Variants in RHEX observed in about 807,000 individuals in gnomAD.
RHEX encodes the protein regulator of hemoglobinization and erythroid cell expansion protein.
Under a neutral mutation model 20.1 loss-of-function variants are expected in RHEX, and 18 were observed. The observed-to-expected ratio is 0.90, with a 90% CI of 0.62 to 1.33. The LOEUF is 1.33. Ranked by LOEUF, RHEX falls within the 40% of genes most tolerant of loss-of-function variation. The pLI is 0.00. For synonymous variants in RHEX, 87 were observed against 77.1 expected (o/e 1.13, Z -0.67); for missense variants, 192 against 214.3 (o/e 0.90, Z 0.65).
intron 1 of RHEX, among the ~76,000 whole-genome samples, chr1:206,084,974 G>A (rs938225602): frequency 1.3e-5 from 2 of 152,044 alleles, no homozygotes; most frequent in African/African-American, 4.8e-5. Flanking sequence ...CCCAACCCCC[G>A]GGTTGGAGAG....
intron 1 of RHEX, among the ~76,000 whole-genome samples, chr1:206,087,943 A>G (rs782176470): frequency 6.6e-6 from 1 of 152,182 alleles, no homozygotes; most frequent in African/African-American, 2.4e-5. Flanking sequence ...GTTGTACACA[A>G]TAAATATGGA....
At chr1:206,071,155 T>C (rs564008659) in intron 1 of RHEX, among the ~76,000 whole-genome samples, 6 of 152,320 alleles carry the variant, frequency 3.9e-5, no homozygotes, top group African/African-American at 1.2e-4. Context: ...GTTGAAGGTC[T>C]GAGAGCCCCT....
rs186995379 is a variant in RHEX at position 206,092,677 on chromosome 1, C to A, written c.-96-5056C>A. ...TTTTGTAGTCTAACTTTTTTTAAAA[C>A]CTCTTCTTTTTTTTGGTACCCCATT... is the stretch of plus-strand genomic sequence containing the variant. On this transcript the variant is annotated intron_variant, in intron 1 of 5. Coordinates refer to ENST00000331555, the MANE Select transcript of RHEX (RefSeq NM_001007544.4). 1.1e-4 allele frequency among the ~76,000 whole-genome samples: 16 copies of A among 152,122 alleles called. No homozygotes were observed. In the East Asian group the frequency reaches 2.9e-3, roughly 28 times the overall value.
intron 1 of RHEX, among the ~76,000 whole-genome samples, chr1:206,089,451 T>C (rs549951347): frequency 1.3e-5 from 2 of 152,356 alleles, no homozygotes; most frequent in South Asian, 4.1e-4. Flanking sequence ...TCTTCCTAAA[T>C]GTAATTTTAA....
chr1:206,083,827 G>C (rs551108272), intron 1 of RHEX, among the ~76,000 whole-genome samples: 1 of 152,306 alleles, frequency 6.6e-6, no homozygotes, highest in Admixed American at 6.5e-5. Context: ...TTATGGACAT[G>C]AATTTCTTGT....
At chr1:206,082,960 C>T (rs1218175012) in intron 1 of RHEX, among the ~76,000 whole-genome samples, 1 of 152,162 alleles carries the variant, frequency 6.6e-6, no homozygotes, top group East Asian at 1.9e-4. Flanking sequence ...ATCAGCCTTC[C>T]TTCCCTTCCT....
rs146973132 is a variant in RHEX at position 206,101,420 on chromosome 1, T to A, written c.318+223T>A. Reference sequence around the variant, plus strand: ...AGTGGGTCTGAACAGACTGTAAAAATGAAAGTGCTAATGGGAAACCCTCTT... The same window carrying A: ...AGTGGGTCTGAACAGACTGTAAAAAAGAAAGTGCTAATGGGAAACCCTCTT... On this transcript the variant is annotated intron_variant, in intron 5 of 5. Coordinates refer to ENST00000331555, the MANE Select transcript of RHEX (RefSeq NM_001007544.4). Among the ~76,000 whole-genome samples the A allele has an allele frequency of 3.1e-3, 476 of 152,166 alleles. 1 individual carries two copies. The highest frequency in any genetic ancestry group is 0.011 in the African/African-American group (442 of 41,484).
intron 1 of RHEX, among the ~76,000 whole-genome samples, chr1:206,091,846 T>C (rs886394149): frequency 4.6e-5 from 7 of 152,172 alleles, no homozygotes; most frequent in Admixed American, 6.6e-5. Context: ...TATTACCATA[T>C]ATATATACCT....
intron 1 of RHEX, among the ~76,000 whole-genome samples, chr1:206,064,632 C>T (rs1160913166): frequency 6.3e-5 from 9 of 143,612 alleles, no homozygotes; most frequent in East Asian, 2.1e-4. Flanking sequence ...CCCGGCCGGC[C>T]GCCCCGTCCC....
At chr1:206,056,818 A>G (rs1308379030) in intron 1 of RHEX, among the ~76,000 whole-genome samples, 3 of 152,264 alleles carry the variant, frequency 2.0e-5, no homozygotes, top group Admixed American at 6.5e-5. Flanking sequence ...ACAGTAAAAA[A>G]AAATAAGTAT....
Position 206,098,067 on chromosome 1 carries a change from T to G in RHEX, c.12-14T>G, listed in dbSNP as rs1553287933. On this transcript the variant is annotated splice_polypyrimidine_tract_variant and intron_variant, in intron 2 of 5. Transcript: ENST00000331555. ...TTGCAATCTCTGACTTTGCCCCTTT[T>G]TCTTTCCCAACAGAGTCATGGAGGT... is the stretch of plus-strand genomic sequence containing the variant. 1 of 1,606,566 alleles carries G rather than the reference T, an allele frequency of 6.2e-7. No homozygotes were observed. The highest frequency in any genetic ancestry group is 1.3e-5 in the African/African-American group (1 of 74,890).
chr1:206,101,781 C>A lies in RHEX; in HGVS notation c.348C>A (p.Val116=). 6.2e-7 allele frequency: 1 copy of A among 1,613,700 alleles called. No individual in the cohort carries two copies. Among genetic ancestry groups the A allele is most frequent in the South Asian group, 1.1e-5 (1 of 91,046 alleles). Residue 116 remains valine, a synonymous_variant, in exon 6 of 6, where the codon GTC becomes GTA. Transcript: ENST00000331555. ...QATEDVDYTQ[V]VFSDPGELKN... The stretch of plus-strand genomic sequence containing the variant: ...CAGAGGATGTGGATTACACACAAGT[C>A]GTCTTTTCTGACCCTGGAGAACTAA...
At chr1:206,063,988 A>C (rs1662359712) in intron 1 of RHEX, among the ~76,000 whole-genome samples, 1 of 147,576 alleles carries the variant, frequency 6.8e-6, no homozygotes, top group South Asian at 2.1e-4. Context: ...GGAAGTGAGG[A>C]GCGTCTCTGC....
At chr1:206,078,564 A>C (rs1032847114) in intron 1 of RHEX, among the ~76,000 whole-genome samples, 7 of 152,166 alleles carry the variant, frequency 4.6e-5, no homozygotes, top group Non-Finnish European at 8.8e-5. Flanking sequence ...CTGTTTCCAA[A>C]AAAATAAAAA....
chr1:206,056,192 G>T (rs1662192111), intron 1 of RHEX, among the ~76,000 whole-genome samples: 1 of 150,534 alleles, frequency 6.6e-6, no homozygotes, highest in Admixed American at 6.6e-5. Context: ...ATTCTAGTGG[G>T]CCTAACCACC....
At chr1:206,089,341 C>G (rs1292297352) in intron 1 of RHEX, among the ~76,000 whole-genome samples, 2 of 152,036 alleles carry the variant, frequency 1.3e-5, no homozygotes, top group Admixed American at 6.6e-5. Context: ...CCACGCCCAG[C>G]CTTATGTTCA....
chr1:206,098,323 G>GCTACCC, intron 3 of RHEX, 142 bp downstream of exon 3: 1 of 623,970 alleles, frequency 1.6e-6, no homozygotes, highest in African/African-American at 1.8e-5. Context: ...CCTTCCCACC[G>GCTACCC]CTCCCCCTCC....
In RHEX at chr1:206,099,799, G is replaced by A. The variant is rs868954089; in HGVS notation, c.256+1G>A. 15 of 1,613,648 alleles carry A rather than the reference G, an allele frequency of 9.3e-6. No homozygotes were observed. Among genetic ancestry groups the A allele is most frequent in the Admixed American group, 3.3e-5 (2 of 59,974 alleles). On this transcript the variant is annotated splice_donor_variant, in intron 4 of 5. Transcript: ENST00000331555. LOFTEE classifies it high-confidence loss of function. The stretch of plus-strand genomic sequence containing the variant: ...CCAATGTCTGATTCCCTTTACAGGC[G>A]TGAGTAAGGGGTTGGAGGGAGAACT...
rs373877974 is a variant in RHEX at position 206,071,031 on chromosome 1, G to A, written c.-97+17766G>A. On this transcript the variant is annotated intron_variant, in intron 1 of 5. Coordinates refer to ENST00000331555, the MANE Select transcript of RHEX (RefSeq NM_001007544.4). ...TTTATTAAGGAGTATTGACTCACAC[G>A]ATCACAAGGTGAAGTCTCACAATAG... Among the ~76,000 whole-genome samples the A allele has an allele frequency of 6.9e-4, 105 of 152,250 alleles. 1 individual carries two copies. Among genetic ancestry groups the A allele is most frequent in the African/African-American group, 2.3e-3 (94 of 41,548 alleles).
Sources: gnomAD v4.1 joint callset for allele counts (sites outside exome capture counted in the v4.1 genomes callset) on GRCh38, gnomAD v4.1.1 for gene constraint, MANE v1.5 for transcripts, NCBI Gene and HGNC (gene_info 2026-07-23, HGNC 2026-07-21) for gene names.